CXADR: variants seen among roughly 807,000 people sequenced by gnomAD.
The protein encoded by CXADR is coxsackievirus and adenovirus receptor.
A neutral mutation model predicts 40.3 loss-of-function variants in CXADR; 20 were observed. That is an observed-to-expected ratio of 0.50 (90% confidence interval 0.35 to 0.72). The LOEUF is 0.72. CXADR is among the 30% of genes least tolerant of loss of function. The probability of loss-of-function intolerance (pLI) is 0.01; values close to 1 mark genes in which losing one functional copy is unlikely to be tolerated. For missense variants in CXADR, 332 were observed against 449.1 expected (o/e 0.74, Z 2.36); for synonymous variants, 150 against 161.3 (o/e 0.93, Z 0.53).
At chr21:17,583,176 T>C (rs2061372668) in intron 7 of CXADR, among the ~76,000 whole-genome samples, 1 of 152,224 alleles carries the variant, frequency 6.6e-6, no homozygotes, top group African/African-American at 2.4e-5. Context: ...CCATAATCTC[T>C]GCCTTCTCAA....
the CXADR span, among the ~76,000 whole-genome samples, chr21:17,600,971 G>A: frequency 6.6e-6 from 1 of 152,194 alleles, no homozygotes; most frequent in Admixed American, 6.5e-5. Flanking sequence ...AGGCCAGCCT[G>A]GCCAACATGG....
intron 7 of CXADR, among the ~76,000 whole-genome samples, chr21:17,578,179 A>G (rs1409006055): frequency 6.6e-6 from 1 of 152,140 alleles, no homozygotes; most frequent in African/African-American, 2.4e-5. Flanking sequence ...TTCTATTTTT[A>G]ATTTTTTGAG....
At chr21:17,607,065 T>G in the CXADR span, among the ~76,000 whole-genome samples, 2 of 152,220 alleles carry the variant, frequency 1.3e-5, no homozygotes, top group African/African-American at 4.8e-5. Context: ...GTTAATCTTA[T>G]ATTCTATTCA....
In CXADR at chr21:17,568,883, A is replaced by G. The variant is rs1468187075; in HGVS notation, c.*3191A>G. The G allele has an allele frequency of 7.1e-6, 7 of 985,098 alleles. No individual in the cohort carries two copies. In the African/African-American group the frequency reaches 1.2e-4, roughly 17 times the overall value. 61.0% of individuals were successfully genotyped at this position (985,098 alleles called of 1,614,324 possible). A position where few individuals can be genotyped will look rare whatever the true frequency, so the allele number is the denominator to read the frequency against. On this transcript the variant is annotated 3_prime_UTR_variant, in exon 7 of 7. Transcript: ENST00000284878. ...TTGAGCTATCTGCCATGGACTTTCTAAAATGGAAACACAGCCTGAGTGTAT... is the reference window on the plus strand; with the variant it reads ...TTGAGCTATCTGCCATGGACTTTCTGAAATGGAAACACAGCCTGAGTGTAT...
At chr21:17,556,923 A>G (rs1186989557) in intron 3 of CXADR, among the ~76,000 whole-genome samples, 2 of 152,230 alleles carry the variant, frequency 1.3e-5, no homozygotes, top group Non-Finnish European at 1.5e-5. Flanking sequence ...TTGGGAAACA[A>G]TTTGACAATT....
intron 1 of CXADR, among the ~76,000 whole-genome samples, chr21:17,530,683 G>C (rs367712741): frequency 6.6e-6 from 1 of 152,028 alleles, no homozygotes; most frequent in Non-Finnish European, 1.5e-5. Context: ...GCGTGGTAAT[G>C]CATGCCTGTA....
chr21:17,543,082 A>G (rs1041953991), intron 1 of CXADR: 2 of 345,464 alleles, frequency 5.8e-6, no homozygotes, highest in African/African-American at 2.2e-5. Flanking sequence ...GAAAAACAAA[A>G]AACAAAAAAA....
the CXADR span, among the ~76,000 whole-genome samples, chr21:17,611,027 T>C: frequency 6.6e-6 from 1 of 151,944 alleles, no homozygotes; most frequent in African/African-American, 2.4e-5. Context: ...GAAATTCACC[T>C]TCTACAGCCA....
chr21:17,555,829 T>C (rs1417354953), intron 3 of CXADR, among the ~76,000 whole-genome samples: 2 of 152,360 alleles, frequency 1.3e-5, no homozygotes, highest in Non-Finnish European at 2.9e-5. Context: ...CTATTGATTT[T>C]AGCATCTATT....
chr21:17,540,624 G>C (rs1266393021), intron 1 of CXADR, among the ~76,000 whole-genome samples: 1 of 152,164 alleles, frequency 6.6e-6, no homozygotes, highest in South Asian at 2.1e-4. Flanking sequence ...CCTGACTGTT[G>C]TTGGACATTT....
intron 1 of CXADR, among the ~76,000 whole-genome samples, chr21:17,517,282 C>T (rs2060473567): frequency 6.6e-6 from 1 of 152,168 alleles, no homozygotes; most frequent in Non-Finnish European, 1.5e-5. Context: ...CCTCCAAGTC[C>T]TCTTAAAGGA....
At chr21:17,604,460 G>C in the CXADR span, among the ~76,000 whole-genome samples, 1 of 152,054 alleles carries the variant, frequency 6.6e-6, no homozygotes, top group Non-Finnish European at 1.5e-5. Flanking sequence ...AAAAAGAGGA[G>C]AGAGGGAGAA....
At chr21:17,596,583 G>T (rs535772208), downstream of CXADR, among the ~76,000 whole-genome samples, 1 of 151,952 alleles carries the variant, frequency 6.6e-6, no homozygotes, top group East Asian at 1.9e-4. Flanking sequence ...TTAAAAGGGA[G>T]AAAAAAGACT....
chr21:17,634,247 T>C, the CXADR span, among the ~76,000 whole-genome samples: 1 of 152,186 alleles, frequency 6.6e-6, no homozygotes, highest in Admixed American at 6.5e-5. Flanking sequence ...TGAAGTCCTA[T>C]ATGGGGGGGA....
downstream of CXADR, among the ~76,000 whole-genome samples, chr21:17,573,550 T>C (rs1345600753): frequency 6.6e-6 from 1 of 152,162 alleles, no homozygotes; most frequent in African/African-American, 2.4e-5. Flanking sequence ...GAATATACTA[T>C]CTTTATTTCA....
chr21:17,554,489 G>A (rs2061009223), intron 3 of CXADR, among the ~76,000 whole-genome samples: 1 of 152,174 alleles, frequency 6.6e-6, no homozygotes, highest in South Asian at 2.1e-4. Flanking sequence ...TCAAACCAAG[G>A]AGGGGGAGAG....
intron 6 of CXADR, among the ~76,000 whole-genome samples, chr21:17,563,638 C>T (rs1010208300): frequency 2.0e-5 from 3 of 151,982 alleles, no homozygotes; most frequent in African/African-American, 7.2e-5. Context: ...TGAGCACATG[C>T]TGTTGGAAAA....
At chr21:17,591,545 A>G (rs2061434974) in intron 7 of CXADR, among the ~76,000 whole-genome samples, 2 of 152,014 alleles carry the variant, frequency 1.3e-5, no homozygotes, top group African/African-American at 2.4e-5. Context: ...GATAAATATT[A>G]TACTAATAAA....
intron 2 of CXADR, among the ~76,000 whole-genome samples, chr21:17,548,011 A>T (rs1168225196): frequency 6.6e-6 from 1 of 152,166 alleles, no homozygotes; most frequent in Non-Finnish European, 1.5e-5. Flanking sequence ...TGGTTCTAGA[A>T]TACTTTATTT....
Sources: gnomAD v4.1 joint callset for allele counts (sites outside exome capture counted in the v4.1 genomes callset) on GRCh38, gnomAD v4.1.1 for gene constraint, MANE v1.5 for transcripts, NCBI Gene and HGNC (gene_info 2026-07-23, HGNC 2026-07-21) for gene names.